Variants in TENM3 observed in about 807,000 individuals in gnomAD.
TENM3 encodes teneurin-3.
TENM3 carries 63 observed loss-of-function variants against 255.1 expected under a neutral mutation model. That is an observed-to-expected ratio of 0.25 (90% CI 0.20 to 0.30). The LOEUF is 0.30. Among genes scored for constraint, TENM3 ranks in the 10% least tolerant of loss-of-function variants. The probability of loss-of-function intolerance (pLI) is 1.00; values close to 1 mark genes in which losing one functional copy is unlikely to be tolerated. For synonymous variants in TENM3, 1,306 were observed against 1,322.3 expected (o/e 0.99, Z 0.27); for missense variants, 2,929 against 3,461.1 (o/e 0.85, Z 3.86).
rs190846822 is a variant in TENM3 at position 182,199,765 on chromosome 4, G to T, written c.-76+55011G>T. Among the ~76,000 whole-genome samples the T allele has an allele frequency of 5.2e-3, 668 of 128,478 alleles. 3 individuals are homozygous for T. The highest frequency in any genetic ancestry group is 0.012 in the Middle Eastern group (2 of 164). The allele number at this position is 128,478 out of a possible 152,430, so 84.3% of individuals were successfully genotyped here. The stretch of plus-strand genomic sequence containing the variant: ...TTTTGAGACAGGATCTTGCTCTGTC[G>T]CCTAGGCTGGAGTGCAGTGGCGCAA... On this transcript the variant is annotated intron_variant, in intron 1 of 2. Coordinates refer to the TENM3 transcript ENST00000512480.
intron 1 of TENM3, among the ~76,000 whole-genome samples, chr4:182,307,695 C>A (rs1762218578): frequency 6.6e-6 from 1 of 152,246 alleles, no homozygotes; most frequent in South Asian, 2.1e-4. Flanking sequence ...ACAGTGACGA[C>A]TGCATTTTAG....
At chr4:182,764,437 A>G (rs948709408) in intron 22 of TENM3, among the ~76,000 whole-genome samples, 1 of 152,188 alleles carries the variant, frequency 6.6e-6, no homozygotes. Context: ...AAGTGCTAAG[A>G]TAGTTGTTCG....
intron 13 of TENM3, among the ~76,000 whole-genome samples, chr4:182,721,540 G>A (rs1301250625): frequency 3.9e-5 from 6 of 152,148 alleles, no homozygotes; most frequent in Non-Finnish European, 7.3e-5. Flanking sequence ...GAATCTGTGT[G>A]TGTGTGTGTG....
chr4:182,219,021 G>C (rs1755691224), intron 1 of TENM3, among the ~76,000 whole-genome samples: 1 of 152,184 alleles, frequency 6.6e-6, no homozygotes, highest in Non-Finnish European at 1.5e-5. Flanking sequence ...TCAGGAGCTG[G>C]AGACCAGCCT....
chr4:182,731,999 T>C (rs1281325657), intron 16 of TENM3, among the ~76,000 whole-genome samples: 1 of 152,062 alleles, frequency 6.6e-6, no homozygotes, highest in Admixed American at 6.6e-5. Flanking sequence ...GCCAGGATGG[T>C]CTCCATCTCC....
At chr4:182,676,990 C>A (rs542270137) in intron 7 of TENM3, among the ~76,000 whole-genome samples, 6 of 152,296 alleles carry the variant, frequency 3.9e-5, no homozygotes, top group African/African-American at 1.4e-4. Flanking sequence ...TCCTAAGACT[C>A]CTCTTCTCCC....
the TENM3 span, among the ~76,000 whole-genome samples, chr4:181,598,054 T>A: frequency 6.6e-6 from 1 of 152,042 alleles, no homozygotes; most frequent in South Asian, 2.1e-4. Context: ...TCTGCTAGGG[T>A]ATTAGTAGGA....
chr4:182,763,220 T>G (rs897366798), intron 22 of TENM3, among the ~76,000 whole-genome samples: 23 of 152,284 alleles, frequency 1.5e-4, no homozygotes, highest in African/African-American at 5.5e-4. Context: ...ATTTAAAGAA[T>G]GTAAGTCAAG....
chr4:181,523,594 G>C, the TENM3 span, among the ~76,000 whole-genome samples: 1 of 152,070 alleles, frequency 6.6e-6, no homozygotes, highest in Admixed American at 6.6e-5. Context: ...CATTCTCTGG[G>C]TGTCACTTTT....
At chr4:181,838,333 G>C in the TENM3 span, among the ~76,000 whole-genome samples, 2 of 152,058 alleles carry the variant, frequency 1.3e-5, no homozygotes, top group Admixed American at 1.3e-4. Context: ...CTGGTAATAC[G>C]CTTTTTTGCC....
At chr4:182,590,785 G>A (rs996573454) in intron 3 of TENM3, among the ~76,000 whole-genome samples, 11 of 151,070 alleles carry the variant, frequency 7.3e-5, no homozygotes, top group Admixed American at 4.6e-4. Flanking sequence ...AGAGGCGGAG[G>A]TTGCAGTCAG....
chr4:182,769,751 T>G (rs1472317281), intron 22 of TENM3, among the ~76,000 whole-genome samples: 2 of 150,192 alleles, frequency 1.3e-5, no homozygotes, highest in Non-Finnish European at 3.0e-5. Context: ...ACCACTGTAC[T>G]CTAGCCTAGG....
the TENM3 span, among the ~76,000 whole-genome samples, chr4:182,030,520 G>A: frequency 1.3e-5 from 2 of 152,006 alleles, no homozygotes; most frequent in African/African-American, 2.4e-5. Context: ...TTTTGCTATT[G>A]GGAAAAGTGC....
chr4:182,003,657 T>C, the TENM3 span, among the ~76,000 whole-genome samples: 2 of 152,136 alleles, frequency 1.3e-5, no homozygotes, highest in South Asian at 2.1e-4. Flanking sequence ...GTTGTCAACA[T>C]TGTGACACTG....
At chr4:182,610,579 A>T (rs1319571367) in intron 4 of TENM3, among the ~76,000 whole-genome samples, 1 of 152,030 alleles carries the variant, frequency 6.6e-6, no homozygotes, top group Non-Finnish European at 1.5e-5. Context: ...GCTATTCGGG[A>T]AGCTGAAGCA....
the TENM3 span, among the ~76,000 whole-genome samples, chr4:181,568,927 T>A: frequency 3.9e-5 from 6 of 152,230 alleles, no homozygotes; most frequent in Non-Finnish European, 8.8e-5. Flanking sequence ...GTAGGGATTA[T>A]TGTCTGTTCT....
chr4:182,443,000 G>A (rs1006659092), intron 3 of TENM3, among the ~76,000 whole-genome samples: 1 of 151,906 alleles, frequency 6.6e-6, no homozygotes, highest in African/African-American at 2.4e-5. Flanking sequence ...TTAGATTACA[G>A]GCATGAGCCA....
At chr4:181,847,694 T>G in the TENM3 span, among the ~76,000 whole-genome samples, 1 of 151,944 alleles carries the variant, frequency 6.6e-6, no homozygotes, top group East Asian at 1.9e-4. Context: ...ATATGTATTA[T>G]ATATAAATTA....
chr4:182,424,526 AT>A (rs1003560252), intron 3 of TENM3, among the ~76,000 whole-genome samples: 19 of 151,306 alleles, frequency 1.3e-4, no homozygotes, highest in African/African-American at 4.7e-4. Context: ...TTTAAAAAAA[AT>A]GTACATGACC....
Sources: allele counts gnomAD v4.1 joint callset (sites outside exome capture counted in the v4.1 genomes callset), GRCh38; gene constraint gnomAD v4.1.1; transcripts MANE v1.5; gene names NCBI Gene and HGNC (gene_info 2026-07-23, HGNC 2026-07-21).